ZC3H11A: variants seen among roughly 807,000 people sequenced by gnomAD.
The protein encoded by ZC3H11A is zinc finger CCCH domain-containing protein 11A.
In ZC3H11A, 22 loss-of-function variants were observed where a neutral mutation model predicts 90.8. The observed-to-expected ratio is 0.24, with a 90% CI of 0.17 to 0.35. The LOEUF (loss-of-function observed/expected upper bound fraction) is 0.35, where lower values mean the gene tolerates loss of function less well. Ranked by LOEUF, ZC3H11A falls within the 10% of genes least tolerant of loss-of-function variation. The pLI, the probability that ZC3H11A is intolerant of heterozygous loss-of-function variation, is 1.00. For missense variants in ZC3H11A, 701 were observed against 964.9 expected, an observed-to-expected ratio of 0.73 and a Z score of 3.62; for synonymous variants, 294 against 339.8, an observed-to-expected ratio of 0.87 and a Z score of 1.48.
intron 2 of ZC3H11A, chr1:203,806,185 C>G (rs1672275779): frequency 2.1e-6 from 1 of 470,586 alleles, no homozygotes; most frequent in African/African-American, 2.0e-5. Flanking sequence ...GGATTCTGCC[C>G]TGCTGTCCAC....
rs373667365 is a variant in ZC3H11A at position 203,813,745 on chromosome 1, G to T, written c.-145-3181G>T. ...TTACCCATTCTGGCTTCTGGTGTTT[G>T]TTGGCAATCCTTGGCATTCCTTGGT... On this transcript the variant is annotated intron_variant, in intron 2 of 17. Coordinates refer to ENST00000367210, the MANE Select transcript of ZC3H11A (RefSeq NM_001376342.1). 1.3e-4 allele frequency among the ~76,000 whole-genome samples: 20 copies of T among 152,172 alleles called. No homozygotes were observed. In the East Asian group the frequency reaches 2.1e-3, roughly 16 times the overall value.
chr1:203,805,955 C>CCGTGGT (rs1366116143), intron 2 of ZC3H11A: 2 of 622,906 alleles, frequency 3.2e-6, no homozygotes, highest in Non-Finnish European at 6.2e-6. Context: ...ATAGCATCAA[C>CCGTGGT]CGTGGTCTTG....
chr1:203,835,674 T>C, intron 10 of ZC3H11A: 1 of 243,712 alleles, frequency 4.1e-6, no homozygotes, highest in Non-Finnish European at 8.8e-6. Flanking sequence ...CACACCACTG[T>C]TTCCATGGGC....
chr1:203,797,930 G>T (rs1669172542), intron 1 of ZC3H11A: 1 of 1,535,930 alleles, frequency 6.5e-7, no homozygotes, highest in Non-Finnish European at 8.7e-7. Context: ...CCATTGTGTG[G>T]CACTTCTTTC....
intron 2 of ZC3H11A, among the ~76,000 whole-genome samples, chr1:203,807,815 C>T (rs1386046553): frequency 6.6e-6 from 1 of 152,132 alleles, no homozygotes; most frequent in Non-Finnish European, 1.5e-5. Context: ...AGTCACGGCT[C>T]ACTGCAGCCT....
intron 12 of ZC3H11A, among the ~76,000 whole-genome samples, chr1:203,844,006 C>CGCT (rs1558140750): frequency 1.3e-5 from 2 of 149,764 alleles, no homozygotes; most frequent in African/African-American, 4.9e-5. Flanking sequence ...TACAGGCATG[C>CGCT]GCTACCACGC....
chr1:203,815,624 T>C (rs1417657243), intron 2 of ZC3H11A, among the ~76,000 whole-genome samples: 2 of 152,178 alleles, frequency 1.3e-5, no homozygotes, highest in African/African-American at 4.8e-5. Flanking sequence ...TCGAAGGGTA[T>C]GTAAACTTTA....
intron 2 of ZC3H11A, among the ~76,000 whole-genome samples, chr1:203,812,578 A>ATTTTTTT (rs386369376): frequency 4.6e-5 from 5 of 109,292 alleles, no homozygotes; most frequent in Admixed American, 3.2e-4. Flanking sequence ...GCCATTCTAA[A>ATTTTTTT]TTTTTTTTTT....
intron 4 of ZC3H11A, among the ~76,000 whole-genome samples, chr1:203,819,325 G>C (rs549751238): frequency 2.7e-5 from 4 of 149,980 alleles, no homozygotes; most frequent in Non-Finnish European, 5.9e-5. Context: ...AGGTTCAAGC[G>C]ATTCTCCTGC....
chr1:203,809,946 C>T (rs914273598), intron 2 of ZC3H11A, among the ~76,000 whole-genome samples: 1 of 151,990 alleles, frequency 6.6e-6, no homozygotes, highest in Non-Finnish European at 1.5e-5. Flanking sequence ...CAGAGCGAGA[C>T]TCTCTCAAAA....
At chr1:203,796,253 G>T (rs1028894472) in intron 1 of ZC3H11A, 2 of 395,392 alleles carry the variant, frequency 5.1e-6, no homozygotes, top group Admixed American at 8.8e-5. Context: ...ATCAGACTGA[G>T]TGCCGGGCGC....
Position 203,801,333 on chromosome 1 carries a change from C to T in ZC3H11A, c.-1587-242C>T, listed in dbSNP as rs189547309. ...TTAATGACCCATTATACTGTATTAA[C>T]TGTGCGGTTGTTTTGGCCACTGAAT... On this transcript the variant is annotated intron_variant, in intron 1 of 17. Transcript: ENST00000367210. 36 of 152,230 alleles carry T rather than the reference C, an allele frequency of 2.4e-4. No homozygotes were observed. The East Asian group carries it at 6.9e-3, about 29-fold the overall frequency. 9.4% of individuals were successfully genotyped at this position (152,230 alleles called of 1,614,324 possible).
intron 2 of ZC3H11A, among the ~76,000 whole-genome samples, chr1:203,809,800 A>C (rs1673709298): frequency 6.6e-6 from 1 of 152,038 alleles, no homozygotes; most frequent in African/African-American, 2.4e-5. Flanking sequence ...CTAAAAATAC[A>C]AAAATTAGCC....
At chr1:203,829,410 T>C in intron 5 of ZC3H11A, 41 bp from the exon 6 acceptor site, 2 of 1,609,284 alleles carry the variant, frequency 1.2e-6, no homozygotes, top group Non-Finnish European at 1.7e-6. Flanking sequence ...GTTGGGGTTG[T>C]ATCTTCTGTT....
intron 1 of ZC3H11A, chr1:203,798,488 C>G (rs1669402631): frequency 6.5e-7 from 1 of 1,536,126 alleles, no homozygotes; most frequent in South Asian, 1.2e-5. Flanking sequence ...CTGTTGCCAA[C>G]AAAGACAGTG....
At chr1:203,814,940 C>T (rs1036069060) in intron 2 of ZC3H11A, 9 of 152,026 alleles carry the variant, frequency 5.9e-5, no homozygotes, top group African/African-American at 2.2e-4. Flanking sequence ...AGAAGTTTCC[C>T]TACCTTAGGC....
chr1:203,819,586 G>A (rs1677779883), intron 4 of ZC3H11A, among the ~76,000 whole-genome samples: 1 of 126,182 alleles, frequency 7.9e-6, no homozygotes, highest in Non-Finnish European at 1.6e-5. Context: ...CCAGGCTGGA[G>A]TGTAATAGCA....
intron 8 of ZC3H11A, 45 bp downstream of exon 8, chr1:203,830,248 A>G: frequency 6.9e-7 from 1 of 1,450,802 alleles, no homozygotes. Context: ...GTTGCTAGGG[A>G]AGAATACTAA....
intron 1 of ZC3H11A, chr1:203,796,798 A>G (rs1668663417): frequency 4.7e-6 from 1 of 213,634 alleles, no homozygotes; most frequent in Non-Finnish European, 9.2e-6. Flanking sequence ...TACTTTGAAA[A>G]TGCAGCATTT....
Sources: allele counts gnomAD v4.1 joint callset (sites outside exome capture counted in the v4.1 genomes callset), GRCh38; gene constraint gnomAD v4.1.1; transcripts MANE v1.5; gene names NCBI Gene and HGNC (gene_info 2026-07-23, HGNC 2026-07-21).